The following DLG1 variants were observed in gnomAD, a reference collection of about 807,000 sequenced individuals.
DLG1 encodes the protein disks large homolog 1.
A neutral mutation model predicts 123.4 loss-of-function variants in DLG1; 42 were observed. The observed-to-expected ratio is 0.34, with a 90% CI of 0.27 to 0.44. The LOEUF (loss-of-function observed/expected upper bound fraction) is 0.44. Ranked by LOEUF, DLG1 falls within the 20% of genes least tolerant of loss-of-function variation. The pLI, the probability that DLG1 is intolerant of heterozygous loss-of-function variation, is 1.00. For missense variants in DLG1, 942 were observed against 1,082.6 expected (o/e 0.87, Z 1.82); for synonymous variants, 317 against 356.2 (o/e 0.89, Z 1.24).
At chr3:197,184,490 C>T (rs12152266) in intron 5 of DLG1, among the ~76,000 whole-genome samples, 31,731 of 152,158 alleles carry the variant, frequency 0.21, 4,390 homozygotes, top group East Asian at 0.6. Context: ...GTGCTGCCTA[C>T]ATTAAACTCT....
chr3:197,150,435 G>C (rs1793299387), intron 5 of DLG1, among the ~76,000 whole-genome samples: 1 of 151,866 alleles, frequency 6.6e-6, no homozygotes, highest in Non-Finnish European at 1.5e-5. Context: ...AAAAAATCTT[G>C]GTTTTCTGGT....
intron 3 of DLG1, among the ~76,000 whole-genome samples, chr3:197,290,079 T>C (rs1241315554): frequency 2.6e-5 from 4 of 151,644 alleles, no homozygotes; most frequent in Non-Finnish European, 2.9e-5. Context: ...GGGCATCTCA[T>C]AAGGACACAA....
At chr3:197,109,249 C>CA (rs1768380806) in intron 13 of DLG1, among the ~76,000 whole-genome samples, 1 of 152,166 alleles carries the variant, frequency 6.6e-6, no homozygotes, top group Non-Finnish European at 1.5e-5. Flanking sequence ...TGCATACCTG[C>CA]AGCCCAGCTA....
intron 13 of DLG1, among the ~76,000 whole-genome samples, chr3:197,108,911 C>T (rs1158770018): frequency 6.6e-6 from 1 of 152,054 alleles, no homozygotes; most frequent in African/African-American, 2.4e-5. Flanking sequence ...GTTATTTGTT[C>T]TATGTCTTTT....
At chr3:197,140,523 A>C (rs1390856961) in intron 7 of DLG1, among the ~76,000 whole-genome samples, 1 of 152,216 alleles carries the variant, frequency 6.6e-6, no homozygotes, top group Non-Finnish European at 1.5e-5. Context: ...TTTCTTTAAA[A>C]GTATGTGCAA....
chr3:197,135,384 T>C (rs537044949), intron 10 of DLG1, among the ~76,000 whole-genome samples: 10 of 152,270 alleles, frequency 6.6e-5, no homozygotes, highest in Middle Eastern at 3.4e-3. Flanking sequence ...TGAGATGTGA[T>C]TGTTTTATAA....
chr3:197,275,008 C>A (rs1378878926), intron 4 of DLG1, among the ~76,000 whole-genome samples: 2 of 152,044 alleles, frequency 1.3e-5, no homozygotes, highest in African/African-American at 4.8e-5. Context: ...CATAGTGAAA[C>A]CCTGTGTCTA....
intron 5 of DLG1, among the ~76,000 whole-genome samples, chr3:197,187,212 C>G (rs1054717577): frequency 6.6e-6 from 1 of 152,076 alleles, no homozygotes; most frequent in Admixed American, 6.5e-5. Flanking sequence ...CTTAGTATAC[C>G]AGGTCCATGA....
At chr3:197,088,075 A>C (rs1405915372) in intron 15 of DLG1, among the ~76,000 whole-genome samples, 1 of 152,204 alleles carries the variant, frequency 6.6e-6, no homozygotes, top group African/African-American at 2.4e-5. Context: ...TATAGAAAAG[A>C]ACAGAATGAC....
intron 10 of DLG1, among the ~76,000 whole-genome samples, chr3:197,133,479 T>G (rs1056454310): frequency 4.6e-5 from 7 of 152,182 alleles, no homozygotes; most frequent in African/African-American, 1.7e-4. Context: ...ATGAGTGGTG[T>G]TTTTTAGCCA....
rs1579662818 is a variant in DLG1 at position 197,298,545 on chromosome 3, C to G, written c.-41G>C. 5.0e-6 allele frequency: 2 copies of G among 398,740 alleles called. No homozygotes were observed. The highest frequency in any genetic ancestry group is 7.1e-5 in the East Asian group (2 of 28,072). The allele number at this position is 398,740 out of a possible 1,614,324, so 24.7% of individuals were successfully genotyped here. On this transcript the variant is annotated 5_prime_UTR_variant, in exon 1 of 25. Transcript: ENST00000667157. ...TCCAAGGCGCACATACCGAGACACC[C>G]CTCAACCTCACTCAGCAGTGCCGTT...
Position 197,297,178 on chromosome 3 carries a change from A to C in DLG1, c.19+8T>G. 6.2e-7 allele frequency: 1 copy of C among 1,614,050 alleles called. No individual in the cohort carries two copies. The highest frequency in any genetic ancestry group is 8.5e-7 in the Non-Finnish European group (1 of 1,180,004). On this transcript the variant is annotated splice_region_variant and intron_variant, in intron 2 of 24. Transcript: ENST00000667157. ...CATCGACAACAGAGTTACGGAATAA[A>C]CTCTCACCTTGCTTCCGGACCGGCA... is the stretch of plus-strand genomic sequence containing the variant.
intron 4 of DLG1, among the ~76,000 whole-genome samples, chr3:197,239,962 T>C (rs962090361): frequency 6.6e-6 from 1 of 152,080 alleles, no homozygotes; most frequent in African/African-American, 2.4e-5. Flanking sequence ...CAACTCACTG[T>C]TTCTACACTG....
chr3:197,171,630 T>G (rs1431645786), intron 5 of DLG1, among the ~76,000 whole-genome samples: 2 of 152,196 alleles, frequency 1.3e-5, no homozygotes, highest in African/African-American at 2.4e-5. Flanking sequence ...TCTCTACCTG[T>G]GAGACTCACA....
chr3:197,147,380 G>C (rs1791361174), intron 6 of DLG1, among the ~76,000 whole-genome samples: 1 of 151,296 alleles, frequency 6.6e-6, no homozygotes, highest in African/African-American at 2.4e-5. Flanking sequence ...CAAAAATATG[G>C]AACCAGCCCA....
intron 5 of DLG1, among the ~76,000 whole-genome samples, chr3:197,159,778 T>C (rs911608479): frequency 3.9e-5 from 6 of 152,326 alleles, no homozygotes; most frequent in African/African-American, 1.2e-4. Context: ...CTATCTTTCA[T>C]GAACTTCCGT....
At chr3:197,298,221 C>T (rs1560217868) in intron 1 of DLG1, 2 of 320,430 alleles carry the variant, frequency 6.2e-6, no homozygotes, top group Non-Finnish European at 1.1e-5. Context: ...GCCCCGGGCT[C>T]CCCGCGCTGC....
At chr3:197,060,033 A>C (rs1235784975) in intron 22 of DLG1, 35 bp from the exon 23 acceptor site, 4 of 1,471,828 alleles carry the variant, frequency 2.7e-6, no homozygotes, top group Non-Finnish European at 2.8e-6. Context: ...AAAACAAGTG[A>C]GCCAAATATT....
At chr3:197,124,517 G>A (rs563588556) in intron 11 of DLG1, among the ~76,000 whole-genome samples, 17 of 152,056 alleles carry the variant, frequency 1.1e-4, no homozygotes, top group African/African-American at 2.9e-4. Context: ...CTCATGCTCC[G>A]CCCGCCTCGG....
Sources: gnomAD v4.1 joint callset for allele counts (sites outside exome capture counted in the v4.1 genomes callset) on GRCh38, gnomAD v4.1.1 for gene constraint, MANE v1.5 for transcripts, NCBI Gene and HGNC (gene_info 2026-07-23, HGNC 2026-07-21) for gene names.